Variants in ENOX1 observed in about 807,000 individuals in gnomAD.
ENOX1 encodes the protein ecto-NOX disulfide-thiol exchanger 1.
Under a neutral mutation model 82.5 loss-of-function variants are expected in ENOX1, and 42 were observed. That is an observed-to-expected ratio of 0.51 (90% CI 0.40 to 0.66). The LOEUF (loss-of-function observed/expected upper bound fraction) is 0.66, where lower values mean the gene tolerates loss of function less well. ENOX1 is among the 30% of genes least tolerant of loss of function. The probability of loss-of-function intolerance (pLI) is 0.00; values close to 1 mark genes in which losing one functional copy is unlikely to be tolerated. For synonymous variants in ENOX1, 271 were observed against 282.2 expected (o/e 0.96, Z 0.40); for missense variants, 608 against 811.6 (o/e 0.75, Z 3.05).
intron 1 of ENOX1, among the ~76,000 whole-genome samples, chr13:43,756,058 T>A (rs1407920116): frequency 6.6e-6 from 1 of 152,190 alleles, no homozygotes; most frequent in Admixed American, 6.5e-5. Context: ...GGTTGACACA[T>A]TCGGGGTGAC....
At position 43,240,127 on chromosome 13, in the gene ENOX1, A is replaced by G. The variant is rs184403183; in HGVS notation, c.1612-3389T>C. Reference sequence around the variant, plus strand: ...AGGGAATACACAGAGAGAATGTGGAATTAATTAATTCCCAAACCAATTCCC... The same window carrying G: ...AGGGAATACACAGAGAGAATGTGGAGTTAATTAATTCCCAAACCAATTCCC... On this transcript the variant is annotated intron_variant, in intron 14 of 16. Transcript: ENST00000690772. Among the ~76,000 whole-genome samples the G allele has an allele frequency of 1.3e-3, 195 of 152,288 alleles. 1 individual carries two copies. The highest frequency in any genetic ancestry group is 4.4e-3 in the African/African-American group (182 of 41,570).
At chr13:43,225,460 A>G (rs1192655355) in intron 15 of ENOX1, among the ~76,000 whole-genome samples, 3 of 152,218 alleles carry the variant, frequency 2.0e-5, no homozygotes, top group African/African-American at 7.2e-5. Flanking sequence ...TCAGACTGAT[A>G]GTTTTAGCTT....
chr13:43,630,909 G>A (rs766494752), intron 2 of ENOX1, among the ~76,000 whole-genome samples: 6 of 143,420 alleles, frequency 4.2e-5, no homozygotes, highest in East Asian at 2.1e-4. Context: ...GCATACATAC[G>A]TGTGCGTATA....
intron 1 of ENOX1, among the ~76,000 whole-genome samples, chr13:43,753,008 C>T (rs867219841): frequency 6.6e-6 from 1 of 151,946 alleles, no homozygotes; most frequent in Non-Finnish European, 1.5e-5. Flanking sequence ...TACAGGCACG[C>T]GCCACTACAT....
chr13:43,786,354 G>C lies in ENOX1; in HGVS notation c.-285+298C>G, dbSNP rs1026331588. 2.6e-5 allele frequency among the ~76,000 whole-genome samples: 4 copies of C among 151,896 alleles called. No individual in the cohort carries two copies. The highest frequency in any genetic ancestry group is 9.7e-5 in the African/African-American group (4 of 41,354). ...GGGCGCGGAGCCCGGAGCTGACACT[G>C]GCTGGCGGGCGGAGGGGAGAGCGGG... On this transcript the variant is annotated intron_variant, in intron 1 of 16. Coordinates refer to ENST00000690772, the MANE Select transcript of ENOX1 (RefSeq NM_001347969.2). This position sits in a 1 kb window ranked among gnomAD's most constrained non-coding sequence, Gnocchi z 6.0.
chr13:43,599,834 A>T (rs921893195), intron 2 of ENOX1, among the ~76,000 whole-genome samples: 4 of 151,378 alleles, frequency 2.6e-5, no homozygotes, highest in African/African-American at 9.7e-5. Context: ...AGGACTTGCA[A>T]CTTGGATACT....
chr13:43,290,506 A>G (rs1189794773), intron 12 of ENOX1, among the ~76,000 whole-genome samples: 1 of 152,198 alleles, frequency 6.6e-6, no homozygotes, highest in Non-Finnish European at 1.5e-5. Context: ...GTAACAGGAA[A>G]CCAAATACTG....
At chr13:43,288,729 T>C (rs1051169011) in intron 12 of ENOX1, among the ~76,000 whole-genome samples, 2 of 152,230 alleles carry the variant, frequency 1.3e-5, no homozygotes, top group Non-Finnish European at 2.9e-5. Flanking sequence ...TTGAACATTT[T>C]TGAGGCTCAT....
chr13:43,499,204 A>C (rs2076893455), intron 2 of ENOX1, among the ~76,000 whole-genome samples: 1 of 152,102 alleles, frequency 6.6e-6, no homozygotes, highest in South Asian at 2.1e-4. Flanking sequence ...AGATTGGTGG[A>C]TACTAAAGAA....
rs373832419 is a variant in ENOX1 at position 43,650,344 on chromosome 13, TA to T, written c.-219+17134del. Among the ~76,000 whole-genome samples, 25 of 152,286 alleles carry T rather than the reference TA, an allele frequency of 1.6e-4. No individual in the cohort carries two copies. The East Asian group carries it at 4.8e-3, about 29-fold the overall frequency. On this transcript the variant is annotated intron_variant, in intron 2 of 16. Coordinates refer to ENST00000690772, the MANE Select transcript of ENOX1 (RefSeq NM_001347969.2). ...CTTTTTATGACCCTTTAAAAATGCA[TA>T]AACAATCCAGCAGGCCACAGGCTGG... is the stretch of plus-strand genomic sequence containing the variant.
At chr13:43,272,756 C>G (rs1313476828) in intron 12 of ENOX1, among the ~76,000 whole-genome samples, 1 of 152,138 alleles carries the variant, frequency 6.6e-6, no homozygotes, top group Non-Finnish European at 1.5e-5. Flanking sequence ...GAGGTGGGAC[C>G]CAGGCACTGA....
At chr13:43,747,881 T>C (rs1358490074) in intron 1 of ENOX1, among the ~76,000 whole-genome samples, 2 of 152,172 alleles carry the variant, frequency 1.3e-5, no homozygotes, top group African/African-American at 4.8e-5. Flanking sequence ...ATCAGATCTT[T>C]TGTCACCAGT....
intron 12 of ENOX1, among the ~76,000 whole-genome samples, chr13:43,287,942 A>ATACT (rs2045792190): frequency 6.6e-6 from 1 of 152,194 alleles, no homozygotes; most frequent in African/African-American, 2.4e-5. Flanking sequence ...CTGAAGTGAG[A>ATACT]TACTTACCTT....
intron 10 of ENOX1, among the ~76,000 whole-genome samples, chr13:43,324,036 G>A (rs1368229275): frequency 6.8e-6 from 1 of 146,476 alleles, no homozygotes; most frequent in African/African-American, 2.4e-5. Flanking sequence ...AGAGGCCAGA[G>A]GGAAGGCAGA....
intron 12 of ENOX1, among the ~76,000 whole-genome samples, chr13:43,272,491 G>A (rs995356789): frequency 6.6e-6 from 1 of 152,168 alleles, no homozygotes; most frequent in African/African-American, 2.4e-5. Context: ...TAAAAGCATT[G>A]TTCGGCTTTC....
At chr13:43,413,961 A>C (rs2054296239) in intron 3 of ENOX1, among the ~76,000 whole-genome samples, 1 of 152,018 alleles carries the variant, frequency 6.6e-6, no homozygotes, top group African/African-American at 2.4e-5. Context: ...ATAACAACTA[A>C]GTCTAAATAT....
chr13:43,763,613 C>T (rs907540976), intron 1 of ENOX1, among the ~76,000 whole-genome samples: 2 of 152,170 alleles, frequency 1.3e-5, no homozygotes, highest in East Asian at 3.9e-4. Context: ...AACCTCAGTT[C>T]AACCCTCAAG....
At chr13:43,443,371 G>A (rs1340970504) in intron 3 of ENOX1, among the ~76,000 whole-genome samples, 2 of 152,124 alleles carry the variant, frequency 1.3e-5, no homozygotes, top group African/African-American at 2.4e-5. Context: ...ACTGTCTTCA[G>A]GAAATTTCAG....
chr13:43,255,183 A>G (rs1337255192), intron 14 of ENOX1, among the ~76,000 whole-genome samples: 1 of 152,224 alleles, frequency 6.6e-6, no homozygotes, highest in East Asian at 1.9e-4. Flanking sequence ...AACAGAACCA[A>G]GAATGGAAAC....
Sources: gnomAD v4.1 joint callset for allele counts (sites outside exome capture counted in the v4.1 genomes callset) on GRCh38, gnomAD v4.1.1 for gene constraint, Gnocchi (gnomAD v3.1) non-coding constraint, MANE v1.5 for transcripts, NCBI Gene and HGNC (gene_info 2026-07-23, HGNC 2026-07-21) for gene names.